Variants in MEF2A observed in about 807,000 individuals in gnomAD.
The protein encoded by MEF2A is myocyte enhancer factor 2A, also known as myocyte-specific enhancer factor 2A.
A neutral mutation model predicts 55.8 loss-of-function variants in MEF2A; 28 were observed. The observed-to-expected ratio is 0.50, with a 90% CI of 0.37 to 0.69. The LOEUF (loss-of-function observed/expected upper bound fraction) is 0.69. Ranked by LOEUF, MEF2A falls within the 30% of genes least tolerant of loss-of-function variation. The pLI, the probability that MEF2A is intolerant of heterozygous loss-of-function variation, is 0.00. For missense variants in MEF2A, 528 were observed against 626.2 expected (o/e 0.84, Z 1.67); for synonymous variants, 239 against 227.1 (o/e 1.05, Z -0.47).
chr15:99,608,800 C>G, intron 2 of MEF2A, among the ~76,000 whole-genome samples: 1 of 151,890 alleles, frequency 6.6e-6, no homozygotes, highest in Non-Finnish European at 1.5e-5. Flanking sequence ...ACATGGGAGG[C>G]TGAGGCAGGG....
At chr15:99,677,944 C>T (rs985490924) in intron 7 of MEF2A, among the ~76,000 whole-genome samples, 1 of 151,978 alleles carries the variant, frequency 6.6e-6, no homozygotes, top group African/African-American at 2.4e-5. Context: ...TGATCTCATA[C>T]GTGCTTTTGT....
At chr15:99,568,861 A>T (rs1332975441) in intron 1 of MEF2A, among the ~76,000 whole-genome samples, 1 of 152,208 alleles carries the variant, frequency 6.6e-6, no homozygotes, top group Non-Finnish European at 1.5e-5. Context: ...TTCAAAGTCT[A>T]GCTGAAGTTT....
At chr15:99,633,418 C>G (rs2043242385) in intron 3 of MEF2A, among the ~76,000 whole-genome samples, 1 of 152,010 alleles carries the variant, frequency 6.6e-6, no homozygotes, top group African/African-American at 2.4e-5. Context: ...ACCACAATCC[C>G]CACCATTACC....
Position 99,663,365 on chromosome 15 carries a change from AT to A in MEF2A, c.259-7957del, listed in dbSNP as rs371808236. Among the ~76,000 whole-genome samples the A allele has an allele frequency of 4.3e-4, 66 of 152,292 alleles. No individual in the cohort carries two copies. In the East Asian group the frequency reaches 0.01, roughly 24 times the overall value. On this transcript the variant is annotated intron_variant, in intron 4 of 11. Transcript: ENST00000557942. The stretch of plus-strand genomic sequence containing the variant: ...GCACGTATATATATGCACACATTAT[AT>A]ACGGAAATGGACTGCACTTTTAACT...
At chr15:99,627,882 C>G (rs1397434967) in intron 2 of MEF2A, among the ~76,000 whole-genome samples, 1 of 152,200 alleles carries the variant, frequency 6.6e-6, no homozygotes, top group Non-Finnish European at 1.5e-5. Context: ...GAGAAAGTAA[C>G]TGCATATGAA....
intron 2 of MEF2A, among the ~76,000 whole-genome samples, chr15:99,626,945 A>G (rs1463283363): frequency 6.6e-6 from 1 of 152,184 alleles, no homozygotes; most frequent in East Asian, 1.9e-4. Context: ...GTTTCTGGAA[A>G]TGGAAGATTG....
In MEF2A at chr15:99,600,942, C is replaced by G. The variant is rs199999258; in HGVS notation, c.-143+2431C>G. Among the ~76,000 whole-genome samples the G allele has an allele frequency of 4.6e-5, 7 of 152,252 alleles. No individual in the cohort carries two copies. The East Asian group carries it at 1.3e-3, about 29-fold the overall frequency. On this transcript the variant is annotated intron_variant, in intron 2 of 11. Coordinates refer to ENST00000557942, the MANE Select transcript of MEF2A (RefSeq NM_001319206.4). ...CTTAATTTCTACAAAAAAAGCCTAA[C>G]AGGATCTTGATTATGAATGTTTTTA...
chr15:99,588,890 C>G (rs1968322900), intron 1 of MEF2A, among the ~76,000 whole-genome samples: 1 of 151,924 alleles, frequency 6.6e-6, no homozygotes, highest in Admixed American at 6.6e-5. Context: ...AATACTGAAC[C>G]AACCTTGTAT....
intron 8 of MEF2A, among the ~76,000 whole-genome samples, chr15:99,694,490 G>C (rs1247043011): frequency 2.0e-5 from 3 of 152,192 alleles, no homozygotes; most frequent in African/African-American, 7.2e-5. Context: ...ACATGCGAGT[G>C]TCATGTTGGT....
chr15:99,626,986 T>G (rs1208353613), intron 2 of MEF2A, among the ~76,000 whole-genome samples: 1 of 151,918 alleles, frequency 6.6e-6, no homozygotes, highest in Non-Finnish European at 1.5e-5. Context: ...AGGTTTAAGG[T>G]TCATGACCTT....
chr15:99,613,768 A>G (rs1327142918), intron 2 of MEF2A, among the ~76,000 whole-genome samples: 1 of 152,220 alleles, frequency 6.6e-6, no homozygotes, highest in East Asian at 1.9e-4. Flanking sequence ...TTGACAGCCC[A>G]TGGTAGCATC....
At chr15:99,690,192 G>T (rs772015856) in intron 7 of MEF2A, 49 bp from the exon 8 acceptor site, 31 of 1,555,418 alleles carry the variant, frequency 2.0e-5, no homozygotes, top group Non-Finnish European at 2.5e-5. Context: ...TTGTGCCAAA[G>T]TATTTTAATA....
chr15:99,579,864 C>T (rs1965410556), intron 1 of MEF2A, among the ~76,000 whole-genome samples: 1 of 152,046 alleles, frequency 6.6e-6, no homozygotes, highest in South Asian at 2.1e-4. Flanking sequence ...CTTGTAGGAC[C>T]TTAACTATTC....
chr15:99,568,293 T>TA (rs954822913), intron 1 of MEF2A, among the ~76,000 whole-genome samples: 1 of 152,198 alleles, frequency 6.6e-6, no homozygotes, highest in Non-Finnish European at 1.5e-5. Flanking sequence ...TCTGTATTCT[T>TA]AGAGTTTGTT....
chr15:99,573,066 T>A (rs1199623266), intron 1 of MEF2A, among the ~76,000 whole-genome samples: 2 of 151,940 alleles, frequency 1.3e-5, no homozygotes, highest in Non-Finnish European at 2.9e-5. Context: ...AGGCGGGCGA[T>A]TCACGAGGTC....
At chr15:99,678,360 T>G (rs1473460991) in intron 7 of MEF2A, among the ~76,000 whole-genome samples, 1 of 152,214 alleles carries the variant, frequency 6.6e-6, no homozygotes, top group African/African-American at 2.4e-5. Context: ...TGTTGTGTAC[T>G]GGAAAGGAAT....
At chr15:99,596,043 C>T (rs925125641) in intron 1 of MEF2A, among the ~76,000 whole-genome samples, 2 of 151,736 alleles carry the variant, frequency 1.3e-5, no homozygotes, top group Non-Finnish European at 2.9e-5. Context: ...TTTTAAAGAG[C>T]GTGTCTCATT....
intron 3 of MEF2A, among the ~76,000 whole-genome samples, chr15:99,642,096 A>T (rs540663493): frequency 1.8e-4 from 27 of 152,144 alleles, no homozygotes; most frequent in African/African-American, 6.3e-4. Flanking sequence ...TATTGTCTTT[A>T]TACTTGAAGT....
At position 99,712,629 on chromosome 15, in the gene MEF2A, C is replaced by G. The variant is rs1157745214; in HGVS notation, c.1376C>G (p.Ser459Cys). ...GRSPVDSLSS[S>C]SSSYDGSDRE... Reference sequence around the variant, plus strand: ...TCCCCTGTGGACAGTCTGAGCAGCTCTAGTAGCTCCTATGATGGCAGTGAT... The same window carrying G: ...TCCCCTGTGGACAGTCTGAGCAGCTGTAGTAGCTCCTATGATGGCAGTGAT... Residue 459 changes from serine to cysteine, a missense_variant, in exon 12 of 12, where the codon TCT (serine) becomes TGT (cysteine). By Grantham distance (112) the Ser-to-Cys change is moderately radical. Coordinates refer to ENST00000557942, the MANE Select transcript of MEF2A (RefSeq NM_001319206.4). The surrounding 1 kb of genome is among the most constrained non-coding windows in gnomAD (Gnocchi z 4.1). 6.4e-7 allele frequency: 1 copy of G among 1,552,470 alleles called. No individual in the cohort carries two copies.
Sources: gnomAD v4.1 joint callset for allele counts (sites outside exome capture counted in the v4.1 genomes callset) on GRCh38, gnomAD v4.1.1 for gene constraint, Gnocchi (gnomAD v3.1) non-coding constraint, MANE v1.5 for transcripts, NCBI Gene and HGNC (gene_info 2026-07-23, HGNC 2026-07-21) for gene names.